Variants in SYTL5 observed in about 807,000 individuals in gnomAD.
SYTL5 encodes the protein synaptotagmin-like protein 5.
In SYTL5, 34 loss-of-function variants were observed where a neutral mutation model predicts 55.9. The ratio of observed to expected loss-of-function variants is 0.61; its 90% CI spans 0.46 to 0.81. The LOEUF is 0.81. Among genes scored for constraint, SYTL5 ranks in the 30% least tolerant of loss-of-function variants. The pLI is 0.00. For missense variants in SYTL5, 637 were observed against 546.7 expected (o/e 1.17, Z -1.65); for synonymous variants, 221 against 188.7 (o/e 1.17, Z -1.40).
At chrX:38,098,909 C>T (rs1184356212) in intron 9 of SYTL5, among the ~76,000 whole-genome samples, 6 of 110,476 alleles carry the variant, frequency 5.4e-5, no homozygotes, top group African/African-American at 2.0e-4. Context: ...CCAGGCAAAA[C>T]TACATATCAT....
intron 2 of SYTL5, among the ~76,000 whole-genome samples, chrX:38,048,337 C>T (rs1011487630): frequency 7.3e-5 from 8 of 109,483 alleles, no homozygotes; most frequent in Non-Finnish European, 9.5e-5. Context: ...GAGTTCCAAA[C>T]TTTCCCACAT....
chrX:37,978,149 A>T, the SYTL5 span, among the ~76,000 whole-genome samples: 1 of 111,721 alleles, frequency 9.0e-6, no homozygotes, highest in Non-Finnish European at 1.9e-5. Context: ...AGAAACCAGC[A>T]GGAGGTCGTG....
chrX:38,008,996 G>A (rs1934086056), intron 1 of SYTL5, among the ~76,000 whole-genome samples: 2 of 111,599 alleles, frequency 1.8e-5, no homozygotes, highest in African/African-American at 6.5e-5. Context: ...AGGGCTATAA[G>A]GAATACTTTT....
intron 13 of SYTL5, among the ~76,000 whole-genome samples, chrX:38,117,604 A>G (rs759105026): frequency 1.8e-5 from 2 of 112,147 alleles, no homozygotes; most frequent in South Asian, 7.5e-4. Context: ...AGACTCATCT[A>G]GGTAGTTCTC....
At chrX:38,098,448 T>C (rs1936994074) in intron 9 of SYTL5, among the ~76,000 whole-genome samples, 1 of 110,986 alleles carries the variant, frequency 9.0e-6, no homozygotes, top group African/African-American at 3.3e-5. Flanking sequence ...TAAAATATGT[T>C]CAGCAACATT....
chrX:37,995,819 T>G, the SYTL5 span, among the ~76,000 whole-genome samples: 9 of 112,360 alleles, frequency 8.0e-5, no homozygotes, highest in Non-Finnish European at 1.3e-4. Flanking sequence ...GTTTAAAAGC[T>G]GTTGATGTTG....
At chrX:38,015,736 G>A (rs180778120) in intron 1 of SYTL5, among the ~76,000 whole-genome samples, 10 of 109,483 alleles carry the variant, frequency 9.1e-5, no homozygotes, top group East Asian at 8.5e-4. Context: ...TTCACAGTGC[G>A]TTTAGCCATC....
intron 15 of SYTL5, among the ~76,000 whole-genome samples, chrX:38,124,669 A>G (rs1263827699): frequency 8.0e-5 from 9 of 111,835 alleles, no homozygotes; most frequent in Non-Finnish European, 3.8e-5. Context: ...ATTAAAACAT[A>G]TGTTAATGGG....
chrX:37,963,619 T>C, the SYTL5 span, among the ~76,000 whole-genome samples: 1 of 112,198 alleles, frequency 8.9e-6, no homozygotes, highest in Non-Finnish European at 1.9e-5. Flanking sequence ...TACTAATTTT[T>C]AAATTAGTTC....
chrX:37,905,789 C>T, the SYTL5 span, among the ~76,000 whole-genome samples: 53 of 112,996 alleles, frequency 4.7e-4, no homozygotes, highest in African/African-American at 1.6e-3. Context: ...GAGGGAGATC[C>T]ACGAAGGAGG....
At chrX:37,945,078 A>C in the SYTL5 span, among the ~76,000 whole-genome samples, 1 of 113,195 alleles carries the variant, frequency 8.8e-6, no homozygotes, top group Non-Finnish European at 1.9e-5. Flanking sequence ...TGTTCTTGAG[A>C]ATACAATCTG....
intron 2 of SYTL5, among the ~76,000 whole-genome samples, chrX:38,045,472 T>A (rs1303295030): frequency 8.9e-6 from 1 of 112,251 alleles, no homozygotes; most frequent in African/African-American, 3.2e-5. Flanking sequence ...TTTTGTTTTG[T>A]TTTGTTTTGT....
the SYTL5 span, among the ~76,000 whole-genome samples, chrX:37,958,553 C>T: frequency 9.0e-6 from 1 of 111,658 alleles, no homozygotes; most frequent in African/African-American, 3.3e-5. Flanking sequence ...GGGACACCAT[C>T]GAACCATAGC....
At chrX:37,973,101 G>T in the SYTL5 span, among the ~76,000 whole-genome samples, 1 of 111,630 alleles carries the variant, frequency 9.0e-6, no homozygotes, top group Non-Finnish European at 1.9e-5. Context: ...TCTCACAATA[G>T]ACTTTGCAGG....
At chrX:37,988,732 G>C in the SYTL5 span, among the ~76,000 whole-genome samples, 4 of 112,149 alleles carry the variant, frequency 3.6e-5, no homozygotes, top group African/African-American at 1.3e-4. Context: ...AAATGTCAAA[G>C]GTGTTGCTGG....
chrX:38,088,446 G>A lies in SYTL5; in HGVS notation c.690-1000G>A, dbSNP rs762862939. Reference sequence around the variant, plus strand: ...ATAAGGGCTTCTATTTTACCACTTAGCATATTTTGTGCCCACTGAGGGAAA... The same window carrying A: ...ATAAGGGCTTCTATTTTACCACTTAACATATTTTGTGCCCACTGAGGGAAA... On this transcript the variant is annotated intron_variant, in intron 6 of 16. Coordinates refer to ENST00000297875, the MANE Select transcript of SYTL5 (RefSeq NM_138780.3). Among the ~76,000 whole-genome samples the A allele has an allele frequency of 6.3e-5, 7 of 111,464 alleles. 1 individual carries two copies. The Admixed American group carries it at 6.7e-4, about 11-fold the overall frequency.
chrX:38,076,337 G>A (rs1936389069), intron 5 of SYTL5, among the ~76,000 whole-genome samples: 1 of 111,689 alleles, frequency 9.0e-6, no homozygotes, highest in Non-Finnish European at 1.9e-5. Flanking sequence ...TTGCTTAGTA[G>A]TGACCTACCA....
chrX:38,089,857 C>T (rs765374593), intron 7 of SYTL5, among the ~76,000 whole-genome samples: 1 of 111,631 alleles, frequency 9.0e-6, no homozygotes, highest in South Asian at 3.8e-4. Context: ...CCAGGTCCCT[C>T]CCTCAACACG....
chrX:38,002,826 C>T (rs1214297464), upstream of SYTL5, among the ~76,000 whole-genome samples: 2 of 111,770 alleles, frequency 1.8e-5, no homozygotes, highest in Non-Finnish European at 3.8e-5. Flanking sequence ...TGCCTGTTCA[C>T]TCTGATGGTA....
Sources: allele counts gnomAD v4.1 joint callset (sites outside exome capture counted in the v4.1 genomes callset), GRCh38; gene constraint gnomAD v4.1.1; transcripts MANE v1.5; gene names NCBI Gene and HGNC (gene_info 2026-07-23, HGNC 2026-07-21).